ARHGAP15: variants seen among roughly 807,000 people sequenced by gnomAD.
ARHGAP15 encodes the protein Rho GTPase activating protein 15, also known as rho GTPase-activating protein 15.
Under a neutral mutation model 63.7 loss-of-function variants are expected in ARHGAP15, and 51 were observed. The ratio of observed to expected loss-of-function variants is 0.80; its 90% CI spans 0.64 to 1.01. The LOEUF is 1.01. ARHGAP15 is among the 50% of genes least tolerant of loss of function. The probability of loss-of-function intolerance (pLI) is 0.00; values close to 1 mark genes in which losing one functional copy is unlikely to be tolerated. For synonymous variants in ARHGAP15, 191 were observed against 193.8 expected, an observed-to-expected ratio of 0.99 and a Z score of 0.12; for missense variants, 560 against 564.6, an observed-to-expected ratio of 0.99 and a Z score of 0.08.
At chr2:143,616,625 T>A (rs1021571903) in intron 11 of ARHGAP15, among the ~76,000 whole-genome samples, 4 of 152,176 alleles carry the variant, frequency 2.6e-5, no homozygotes, top group African/African-American at 9.7e-5. Context: ...ACTTCCTTCC[T>A]CCCTCTGTCG....
chr2:143,169,536 A>C (rs1378522159), intron 2 of ARHGAP15, among the ~76,000 whole-genome samples: 1 of 152,094 alleles, frequency 6.6e-6, no homozygotes, highest in Non-Finnish European at 1.5e-5. Flanking sequence ...AGGAGAAAAT[A>C]GTTATTTCAT....
chr2:143,524,125 G>A (rs961483035), intron 10 of ARHGAP15, among the ~76,000 whole-genome samples: 30 of 152,096 alleles, frequency 2.0e-4, no homozygotes, highest in Admixed American at 6.6e-5. Context: ...CTTGCTTAAA[G>A]ATTTAAGAAA....
chr2:143,405,835 A>G (rs1019538408), intron 6 of ARHGAP15, among the ~76,000 whole-genome samples: 2 of 151,928 alleles, frequency 1.3e-5, no homozygotes, highest in African/African-American at 4.8e-5. Flanking sequence ...AGAAGTCTGA[A>G]GTCAGCATGT....
intron 3 of ARHGAP15, among the ~76,000 whole-genome samples, chr2:143,206,881 CA>C (rs1692350830): frequency 6.6e-6 from 1 of 151,724 alleles, no homozygotes; most frequent in Non-Finnish European, 1.5e-5. Context: ...TGAAACATGG[CA>C]AAAGTTAGGC....
intron 11 of ARHGAP15, among the ~76,000 whole-genome samples, chr2:143,566,852 TTTC>T (rs1426185704): frequency 6.6e-6 from 1 of 151,646 alleles, no homozygotes; most frequent in Non-Finnish European, 1.5e-5. Context: ...CGTGTTTTCC[TTTC>T]TTCAGAGCAC....
intron 11 of ARHGAP15, 69 bp downstream of exon 11, chr2:143,556,554 T>C: frequency 9.4e-7 from 1 of 1,058,336 alleles, no homozygotes; most frequent in Non-Finnish European, 1.4e-6. Flanking sequence ...TACACTGTGC[T>C]GTATGTACTG....
intron 12 of ARHGAP15, among the ~76,000 whole-genome samples, chr2:143,661,955 T>C (rs1430188174): frequency 2.0e-5 from 3 of 152,016 alleles, no homozygotes; most frequent in African/African-American, 7.2e-5. Context: ...AGCACAGCAG[T>C]CTGAGACCAA....
intron 1 of ARHGAP15, among the ~76,000 whole-genome samples, chr2:143,148,340 C>T (rs1689676079): frequency 6.6e-6 from 1 of 152,034 alleles, no homozygotes; most frequent in African/African-American, 2.4e-5. Context: ...TGCTTAATAA[C>T]TTTGCAGAAC....
chr2:143,611,970 G>A (rs1698272639), intron 11 of ARHGAP15, among the ~76,000 whole-genome samples: 3 of 152,236 alleles, frequency 2.0e-5, no homozygotes, highest in South Asian at 2.1e-4. Flanking sequence ...TTGCTGGGCT[G>A]TTTCCAGGGT....
At chr2:143,731,580 A>G (rs1685539502) in intron 13 of ARHGAP15, among the ~76,000 whole-genome samples, 1 of 152,166 alleles carries the variant, frequency 6.6e-6, no homozygotes. Flanking sequence ...GACCTGGCTC[A>G]ATATCCTGCT....
At chr2:143,417,301 T>C (rs1443610863) in intron 6 of ARHGAP15, among the ~76,000 whole-genome samples, 1 of 152,186 alleles carries the variant, frequency 6.6e-6, no homozygotes, top group African/African-American at 2.4e-5. Flanking sequence ...TATGGAGATA[T>C]ACCACACATG....
chr2:143,749,283 G>T (rs1346453386), intron 13 of ARHGAP15, among the ~76,000 whole-genome samples: 2 of 152,168 alleles, frequency 1.3e-5, no homozygotes, highest in Non-Finnish European at 2.9e-5. Context: ...TTGTCTTTTT[G>T]CAAGTAAGGA....
intron 4 of ARHGAP15, among the ~76,000 whole-genome samples, chr2:143,224,167 G>C (rs748379145): frequency 6.6e-6 from 1 of 152,116 alleles, no homozygotes; most frequent in East Asian, 1.9e-4. Context: ...TCTGGAGAAA[G>C]CTCAGGTATT....
At chr2:143,488,183 C>A (rs1692413182) in intron 9 of ARHGAP15, among the ~76,000 whole-genome samples, 2 of 152,164 alleles carry the variant, frequency 1.3e-5, no homozygotes, top group South Asian at 4.1e-4. Context: ...TGTGCCTCAG[C>A]TTTCTCATTT....
chr2:143,336,934 T>C (rs1479739472), intron 6 of ARHGAP15, among the ~76,000 whole-genome samples: 1 of 152,116 alleles, frequency 6.6e-6, no homozygotes, highest in Non-Finnish European at 1.5e-5. Context: ...TGGATAAGAT[T>C]CCTATCACCA....
At chr2:143,648,306 A>T (rs763697553) in intron 12 of ARHGAP15, among the ~76,000 whole-genome samples, 14 of 152,106 alleles carry the variant, frequency 9.2e-5, no homozygotes, top group Non-Finnish European at 1.5e-4. Context: ...ATGCAGAAAC[A>T]TACAAATGTT....
At chr2:143,319,414 G>A (rs1334879393) in intron 6 of ARHGAP15, among the ~76,000 whole-genome samples, 2 of 151,848 alleles carry the variant, frequency 1.3e-5, no homozygotes, top group African/African-American at 4.8e-5. Context: ...TAGAGATGAG[G>A]TTTCACCATG....
chr2:143,473,740 G>A (rs4273169), intron 8 of ARHGAP15, among the ~76,000 whole-genome samples: 40,191 of 151,954 alleles, frequency 0.26, 6,452 homozygotes, highest in Non-Finnish European at 0.37. Context: ...ATGCTTTTTT[G>A]CTAAGTGCAT....
chr2:143,530,004 C>G (rs955986766), intron 10 of ARHGAP15, among the ~76,000 whole-genome samples: 1 of 152,080 alleles, frequency 6.6e-6, no homozygotes, highest in African/African-American at 2.4e-5. Context: ...ATGATAGGGC[C>G]TCAATTCATA....
Sources: gnomAD v4.1 joint callset for allele counts (sites outside exome capture counted in the v4.1 genomes callset) on GRCh38, gnomAD v4.1.1 for gene constraint, MANE v1.5 for transcripts, NCBI Gene and HGNC (gene_info 2026-07-23, HGNC 2026-07-21) for gene names.